FIP1L1: variants seen among roughly 807,000 people sequenced by gnomAD.
FIP1L1 encodes factor interacting with PAPOLA and CPSF1, also known as pre-mRNA 3'-end-processing factor FIP1.
FIP1L1 carries 21 observed loss-of-function variants against 84.6 expected under a neutral mutation model. The ratio of observed to expected loss-of-function variants is 0.25; its 90% CI spans 0.18 to 0.36. The LOEUF (loss-of-function observed/expected upper bound fraction) is 0.36. FIP1L1 is among the 10% of genes least tolerant of loss of function. FIP1L1 has a pLI of 1.00. For missense variants in FIP1L1, 526 were observed against 751.1 expected (o/e 0.70, Z 3.50); for synonymous variants, 263 against 242.3 (o/e 1.09, Z -0.80).
intron 15 of FIP1L1, among the ~76,000 whole-genome samples, chr4:53,447,995 C>T (rs1179914012): frequency 6.6e-6 from 1 of 152,014 alleles, no homozygotes; most frequent in Admixed American, 6.6e-5. Flanking sequence ...GAAATCTCAA[C>T]CTGTACCATT....
intron 3 of FIP1L1, among the ~76,000 whole-genome samples, chr4:53,381,753 CTTTTTTTTTTTTT>C (rs531488760): frequency 0.012 from 1,025 of 87,916 alleles, 57 homozygotes; most frequent in Non-Finnish European, 0.014. Context: ...CATTTGCATT[CTTTTTTTTTTTTT>C]TTTTTTTTTT....
At chr4:53,441,033 T>G (rs1771663035) in intron 13 of FIP1L1, 2 of 165,202 alleles carry the variant, frequency 1.2e-5, no homozygotes. Context: ...AGAAAATGTG[T>G]TCTAAACCCC....
chr4:53,411,135 CAG>C (rs912699562), intron 10 of FIP1L1, among the ~76,000 whole-genome samples: 4 of 151,962 alleles, frequency 2.6e-5, no homozygotes, highest in Non-Finnish European at 5.9e-5. Context: ...GTTGATGTAT[CAG>C]GGAATTATAA....
At chr4:53,410,113 G>A (rs1292921414) in intron 10 of FIP1L1, among the ~76,000 whole-genome samples, 2 of 152,216 alleles carry the variant, frequency 1.3e-5, no homozygotes, top group Admixed American at 6.5e-5. Flanking sequence ...GACCGGAGTT[G>A]TTCCTATTTG....
chr4:53,401,664 G>T (rs1750332032), intron 10 of FIP1L1, among the ~76,000 whole-genome samples: 1 of 152,212 alleles, frequency 6.6e-6, no homozygotes, highest in Non-Finnish European at 1.5e-5. Context: ...CAAGGTTTTT[G>T]TTCTGATCAA....
chr4:53,391,700 CAA>C (rs1387116506), intron 9 of FIP1L1, among the ~76,000 whole-genome samples: 1 of 152,154 alleles, frequency 6.6e-6, no homozygotes, highest in Non-Finnish European at 1.5e-5. Context: ...ATTATACTAA[CAA>C]ATGCCGAGTA....
chr4:53,430,635 C>T (rs1188516252), intron 13 of FIP1L1, among the ~76,000 whole-genome samples: 3 of 152,010 alleles, frequency 2.0e-5, no homozygotes, highest in Non-Finnish European at 4.4e-5. Context: ...CTACCCCTGA[C>T]CATTTCTTTT....
intron 9 of FIP1L1, among the ~76,000 whole-genome samples, chr4:53,396,342 A>G (rs922591074): frequency 3.3e-5 from 5 of 152,244 alleles, no homozygotes; most frequent in Admixed American, 1.3e-4. Context: ...TTACAATTAC[A>G]TGGTGAGAAA....
chr4:53,388,172 A>T (rs1742123148), intron 5 of FIP1L1, among the ~76,000 whole-genome samples: 2 of 152,216 alleles, frequency 1.3e-5, no homozygotes, highest in Admixed American at 6.5e-5. Context: ...CCTAAGTCTT[A>T]AATGTAGTAC....
At chr4:53,416,036 C>T (rs1759348995) in intron 11 of FIP1L1, among the ~76,000 whole-genome samples, 1 of 151,856 alleles carries the variant, frequency 6.6e-6, no homozygotes, top group East Asian at 1.9e-4. Context: ...TTTGAAAAAC[C>T]AGTAGAAATT....
chr4:53,409,447 T>G (rs1755835283), intron 10 of FIP1L1, among the ~76,000 whole-genome samples: 1 of 152,098 alleles, frequency 6.6e-6, no homozygotes, highest in South Asian at 2.1e-4. Context: ...GGGTCAAGGG[T>G]CAGGGACCCA....
chr4:53,397,444 C>G (rs1300061435), intron 9 of FIP1L1, among the ~76,000 whole-genome samples: 1 of 152,170 alleles, frequency 6.6e-6, no homozygotes, highest in African/African-American at 2.4e-5. Flanking sequence ...GAATGGTACT[C>G]ATGAATGGAG....
At chr4:53,416,211 G>A (rs1004455356) in intron 11 of FIP1L1, among the ~76,000 whole-genome samples, 1 of 152,226 alleles carries the variant, frequency 6.6e-6, no homozygotes, top group South Asian at 2.1e-4. Flanking sequence ...AAACACTTGG[G>A]TTTATATTTA....
chr4:53,399,985 A>C (rs1166783028), intron 10 of FIP1L1, 146 bp downstream of exon 10: 2 of 570,434 alleles, frequency 3.5e-6, no homozygotes, highest in Admixed American at 6.5e-5. Context: ...AATTCTTCAC[A>C]AGAAACTTCT....
intron 10 of FIP1L1, among the ~76,000 whole-genome samples, chr4:53,401,381 A>G (rs1421945746): frequency 6.6e-6 from 1 of 152,192 alleles, no homozygotes; most frequent in Non-Finnish European, 1.5e-5. Flanking sequence ...GAGCAGAGCA[A>G]TGAAATAATC....
At chr4:53,452,395 T>C (rs975329432) in intron 15 of FIP1L1, among the ~76,000 whole-genome samples, 4 of 152,168 alleles carry the variant, frequency 2.6e-5, no homozygotes, top group Non-Finnish European at 4.4e-5. Flanking sequence ...CTCTGTTCAC[T>C]GTAACCTCCG....
chr4:53,429,060 G>C (rs62325220), intron 13 of FIP1L1, among the ~76,000 whole-genome samples: 17,874 of 152,142 alleles, frequency 0.12, 1,130 homozygotes, highest in East Asian at 0.16. Context: ...TGCCAGTTGT[G>C]ATCCGAGTAC....
At chr4:53,421,975 T>C (rs1015135107) in intron 11 of FIP1L1, among the ~76,000 whole-genome samples, 1 of 152,242 alleles carries the variant, frequency 6.6e-6, no homozygotes, top group African/African-American at 2.4e-5. Context: ...TTAAGAGGGC[T>C]AGATACACAG....
chr4:53,401,386 A>G (rs1750176965), intron 10 of FIP1L1, among the ~76,000 whole-genome samples: 1 of 152,194 alleles, frequency 6.6e-6, no homozygotes, highest in Non-Finnish European at 1.5e-5. Context: ...GAGCAATGAA[A>G]TAATCTGATT....
Sources: allele counts gnomAD v4.1 joint callset (sites outside exome capture counted in the v4.1 genomes callset), GRCh38; gene constraint gnomAD v4.1.1; transcripts MANE v1.5; gene names NCBI Gene and HGNC (gene_info 2026-07-23, HGNC 2026-07-21).